The following SPAST variants were observed in gnomAD, a reference collection of about 807,000 sequenced individuals.
SPAST encodes the protein spastin, also known as spastic paraplegia 4 (autosomal dominant; spastin).
In SPAST, 30 loss-of-function variants were observed where a neutral mutation model predicts 76.6. The ratio of observed to expected loss-of-function variants is 0.39; its 90% CI spans 0.29 to 0.53. SPAST has a LOEUF of 0.53. Among genes scored for constraint, SPAST ranks in the 20% least tolerant of loss-of-function variants. The pLI, the probability that SPAST is intolerant of heterozygous loss-of-function variation, is 0.68. For missense variants in SPAST, 717 were observed against 770.5 expected (o/e 0.93, Z 0.82); for synonymous variants, 305 against 281.0 (o/e 1.09, Z -0.86).
At chr2:32,121,449 A>G (rs1202385111) in intron 7 of SPAST, among the ~76,000 whole-genome samples, 1 of 150,780 alleles carries the variant, frequency 6.6e-6, no homozygotes, top group African/African-American at 2.4e-5. Flanking sequence ...CCCCTCTTGG[A>G]CCTTTCTAGA....
At chr2:32,154,311 A>C in intron 16 of SPAST, 63 bp from the exon 17 acceptor site, 1 of 1,431,846 alleles carries the variant, frequency 7.0e-7, no homozygotes, top group Non-Finnish European at 9.8e-7. Flanking sequence ...TTAATCCATC[A>C]TTTCGTTAAC....
rs189670539 is a variant in SPAST, at chr2:32,116,525, G to T, written c.1098+313G>T. 9.2e-5 allele frequency among the ~76,000 whole-genome samples: 14 copies of T among 152,244 alleles called. No homozygotes were observed. In the East Asian group the frequency reaches 2.3e-3, roughly 25 times the overall value. Reference sequence around the variant, plus strand: ...GTGTCGCCCAGGCTGGAGTGCAGTGGCATGATCTTAGCTCACTGCAACCTC... The same window carrying T: ...GTGTCGCCCAGGCTGGAGTGCAGTGTCATGATCTTAGCTCACTGCAACCTC... On this transcript the variant is annotated intron_variant, in intron 7 of 16. Coordinates refer to ENST00000315285, the MANE Select transcript of SPAST (RefSeq NM_014946.4).
At chr2:32,108,932 A>G (rs1678428694) in intron 4 of SPAST, among the ~76,000 whole-genome samples, 1 of 150,794 alleles carries the variant, frequency 6.6e-6, no homozygotes, top group Non-Finnish European at 1.5e-5. Context: ...TACCCAGCTG[A>G]TTTTTGTATT....
intron 4 of SPAST, among the ~76,000 whole-genome samples, chr2:32,102,594 T>C (rs1333863136): frequency 6.6e-6 from 1 of 152,246 alleles, no homozygotes; most frequent in Non-Finnish European, 1.5e-5. Context: ...CAGTATGATA[T>C]TGGCTGTGGG....
chr2:32,128,577 A>C, intron 9 of SPAST, 98 bp downstream of exon 9: 1 of 814,918 alleles, frequency 1.2e-6, no homozygotes, highest in Non-Finnish European at 2.1e-6. Flanking sequence ...ATATTTTTCT[A>C]GGAGCTTATC....
Position 32,154,555 on chromosome 2 carries a change from C to T in SPAST, c.*59C>T. The T allele has an allele frequency of 3.9e-6, 6 of 1,545,446 alleles. No homozygotes were observed. The highest frequency in any genetic ancestry group is 5.4e-6 in the Non-Finnish European group (6 of 1,118,712). ...CTTAAAAGAGGAAACACAAGATCTT[C>T]AATGAACGTCATCGGCTACAGAAAC... On this transcript the variant is annotated 3_prime_UTR_variant, in exon 17 of 17. Transcript: ENST00000315285.
At chr2:32,097,716 CAG>C (rs1280240606) in intron 3 of SPAST, among the ~76,000 whole-genome samples, 3 of 128,290 alleles carry the variant, frequency 2.3e-5, no homozygotes, top group Non-Finnish European at 3.2e-5. Context: ...TTTTTTGAGA[CAG>C]AGTCTCGCTC....
chr2:32,088,470 C>A (rs866319726), intron 2 of SPAST, among the ~76,000 whole-genome samples: 1 of 152,130 alleles, frequency 6.6e-6, no homozygotes. Context: ...CATGGAGAAA[C>A]CCTGTCTCTA....
At chr2:32,148,718 G>C (rs1679976371) in intron 16 of SPAST, among the ~76,000 whole-genome samples, 2 of 151,964 alleles carry the variant, frequency 1.3e-5, no homozygotes, top group Non-Finnish European at 2.9e-5. Flanking sequence ...GGCTGAGGCA[G>C]GAGAATGGCG....
rs1008952510 is a variant in SPAST at position 32,063,658 on chromosome 2, G to C, written c.-174G>C. 1.3e-6 allele frequency: 1 copy of C among 796,868 alleles called. No homozygotes were observed. Among genetic ancestry groups the C allele is most frequent in the Non-Finnish European group, 1.9e-6 (1 of 521,726 alleles). 49.4% of individuals were successfully genotyped at this position (796,868 alleles called of 1,614,324 possible). The stretch of plus-strand genomic sequence containing the variant: ...AGGAGAAGGGGTTGTGCTCCTGGCC[G>C]AGGAAGGAGAAAGGGGCGGGGCCGG... On this transcript the variant is annotated 5_prime_UTR_variant, in exon 1 of 17. Coordinates refer to ENST00000315285, the MANE Select transcript of SPAST (RefSeq NM_014946.4).
Position 32,136,907 on chromosome 2 carries a change from G to A in SPAST, c.1352G>A (p.Arg451Lys), listed in dbSNP as rs1432927395. 6.2e-7 allele frequency: 1 copy of A among 1,613,716 alleles called. No homozygotes were observed. The highest frequency in any genetic ancestry group is 2.2e-5 in the East Asian group (1 of 44,850). The change falls in exon 11 of 17, where the codon AGA becomes AAA. Residue 451 changes from arginine (R) to lysine (K), a missense_variant. This residue lies in a region of SPAST where 78 missense variants were observed against 197.6 expected (regional missense o/e 0.39). Transcript: ENST00000315285. ...DEVDSLLCER[R>K]EGEHDASRRL... ...GTTGATAGCCTTTTGTGTGAAAGAAGAGAAGGGGAGCACGATGCTAGTAGA... is the reference window on the plus strand; with the variant it reads ...GTTGATAGCCTTTTGTGTGAAAGAAAAGAAGGGGAGCACGATGCTAGTAGA...
intron 3 of SPAST, among the ~76,000 whole-genome samples, chr2:32,094,297 CA>C (rs1359900112): frequency 2.6e-5 from 4 of 152,074 alleles, no homozygotes; most frequent in Non-Finnish European, 4.4e-5. Context: ...CGGCTCACTG[CA>C]ACCTCTGCCT....
chr2:32,126,332 G>A (rs911034200), intron 7 of SPAST, among the ~76,000 whole-genome samples: 1 of 151,980 alleles, frequency 6.6e-6, no homozygotes, highest in African/African-American at 2.4e-5. Context: ...TTCTATTTTT[G>A]TTTGGAAGAT....
intron 1 of SPAST, among the ~76,000 whole-genome samples, chr2:32,069,630 C>G (rs1049284136): frequency 1.3e-5 from 2 of 150,580 alleles, no homozygotes; most frequent in African/African-American, 4.9e-5. Context: ...GATCTCAGCT[C>G]GCTGCAAGCC....
Position 32,064,261 on chromosome 2 carries a change from GGGGGA to G in SPAST, c.415+20_415+24del. 2 of 1,541,288 alleles carry G rather than the reference GGGGGA, an allele frequency of 1.3e-6. No homozygotes were observed. The highest frequency in any genetic ancestry group is 1.8e-6 in the Non-Finnish European group (2 of 1,141,654). On this transcript the variant is annotated intron_variant, in intron 1 of 16. Transcript: ENST00000315285. Reference sequence around the variant, plus strand: ...GGATGAGAAAGGTAACTAGGGGGCTGGGGGAGGGGGCGGCGGCGCCGGGAAGAAGG... The same window carrying G: ...GGATGAGAAAGGTAACTAGGGGGCTGGGGGGCGGCGGCGCCGGGAAGAAGG...
chr2:32,152,415 A>G (rs750320533), intron 16 of SPAST, among the ~76,000 whole-genome samples: 11 of 152,070 alleles, frequency 7.2e-5, no homozygotes, highest in Non-Finnish European at 1.5e-4. Context: ...CAAAAATTAC[A>G]AAAAGTTAGC....
At chr2:32,071,826 G>A (rs1233947329) in intron 1 of SPAST, among the ~76,000 whole-genome samples, 2 of 152,182 alleles carry the variant, frequency 1.3e-5, no homozygotes, top group Admixed American at 1.3e-4. Context: ...CCTCCAGGTA[G>A]CAGGCTTCAG....
At chr2:32,124,740 A>G (rs80330546) in intron 7 of SPAST, among the ~76,000 whole-genome samples, 1 of 152,192 alleles carries the variant, frequency 6.6e-6, no homozygotes, top group East Asian at 1.9e-4. Flanking sequence ...AAGCCACAAA[A>G]ATATATGGAG....
At chr2:32,141,513 G>A (rs1415634362) in intron 12 of SPAST, among the ~76,000 whole-genome samples, 2 of 152,144 alleles carry the variant, frequency 1.3e-5, no homozygotes, top group Non-Finnish European at 2.9e-5. Flanking sequence ...CACTGCCCTA[G>A]GCAGTTCACC....
Sources: gnomAD v4.1 joint callset for allele counts (sites outside exome capture counted in the v4.1 genomes callset) on GRCh38, gnomAD v4.1.1 for gene constraint, gnomAD v4.1.1 regional missense constraint, MANE v1.5 for transcripts, NCBI Gene and HGNC (gene_info 2026-07-23, HGNC 2026-07-21) for gene names.